The following UNC13C variants were observed in gnomAD, a reference collection of about 807,000 sequenced individuals.
UNC13C encodes protein unc-13 homolog C.
Under a neutral mutation model 245.4 loss-of-function variants are expected in UNC13C, and 174 were observed. That is an observed-to-expected ratio of 0.71 (90% CI 0.63 to 0.80). The LOEUF is 0.80. Ranked by LOEUF, UNC13C falls within the 30% of genes least tolerant of loss-of-function variation. The pLI is 0.00. For synonymous variants in UNC13C, 992 were observed against 895.1 expected, an observed-to-expected ratio of 1.11 and a Z score of -1.93; for missense variants, 2,829 against 2,602.9, an observed-to-expected ratio of 1.09 and a Z score of -1.89.
chr15:54,163,636 C>T (rs1296142824), intron 4 of UNC13C, among the ~76,000 whole-genome samples: 1 of 152,116 alleles, frequency 6.6e-6, no homozygotes, highest in African/African-American at 2.4e-5. Context: ...GCCATTACTT[C>T]CTGAGAATTG....
chr15:54,522,490 A>AAAC (rs372205345), intron 24 of UNC13C, among the ~76,000 whole-genome samples: 9,871 of 151,772 alleles, frequency 0.065, 1,080 homozygotes, highest in African/African-American at 0.23. Context: ...AAACAAAACA[A>AAAC]AACAACAACA....
At chr15:54,592,450 G>A (rs990585111) in intron 30 of UNC13C, among the ~76,000 whole-genome samples, 1 of 152,130 alleles carries the variant, frequency 6.6e-6, no homozygotes, top group Non-Finnish European at 1.5e-5. Flanking sequence ...AGGTCAATTA[G>A]TAATTGACTT....
At chr15:53,939,812 CGAGAGAGAGAGA>C in the UNC13C span, among the ~76,000 whole-genome samples, 9 of 150,364 alleles carry the variant, frequency 6.0e-5, 2 homozygotes, top group Admixed American at 6.0e-4. Context: ...AGAGAAAGGA[CGAGAGAGAGAGA>C]GAGAGAGAGA....
chr15:54,469,132 T>C (rs1299444091), intron 19 of UNC13C, among the ~76,000 whole-genome samples: 1 of 151,594 alleles, frequency 6.6e-6, no homozygotes, highest in Non-Finnish European at 1.5e-5. Context: ...GAGATTTCAG[T>C]ATACAGATCT....
chr15:54,361,415 A>G (rs148985862), intron 17 of UNC13C, among the ~76,000 whole-genome samples: 18 of 152,058 alleles, frequency 1.2e-4, no homozygotes, highest in Non-Finnish European at 1.9e-4. Flanking sequence ...TCAGTTTTCT[A>G]TCTATATTTT....
intron 17 of UNC13C, among the ~76,000 whole-genome samples, chr15:54,390,605 TTA>T (rs2039934116): frequency 6.6e-6 from 1 of 152,086 alleles, no homozygotes; most frequent in Non-Finnish European, 1.5e-5. Flanking sequence ...TGATTTATAA[TTA>T]CCATATTTTC....
intron 28 of UNC13C, among the ~76,000 whole-genome samples, chr15:54,555,219 A>C (rs1897038827): frequency 6.6e-6 from 1 of 152,046 alleles, no homozygotes; most frequent in South Asian, 2.1e-4. Context: ...CTATCAAAGC[A>C]CTTCTTTTTA....
intron 2 of UNC13C, among the ~76,000 whole-genome samples, chr15:54,090,198 A>G (rs1346870805): frequency 6.6e-6 from 1 of 152,200 alleles, no homozygotes; most frequent in Non-Finnish European, 1.5e-5. Context: ...TGTATTCTGT[A>G]TAGACCTCCT....
chr15:54,091,232 C>G (rs1048246258), intron 2 of UNC13C, among the ~76,000 whole-genome samples: 1 of 152,172 alleles, frequency 6.6e-6, no homozygotes, highest in African/African-American at 2.4e-5. Context: ...AAAACCTCCT[C>G]TTTCGTTAAA....
intron 19 of UNC13C, among the ~76,000 whole-genome samples, chr15:54,494,131 C>A (rs939798427): frequency 3.3e-5 from 5 of 152,038 alleles, no homozygotes; most frequent in African/African-American, 1.2e-4. Context: ...GATTATAGCT[C>A]CTGACTCATG....
chr15:54,454,297 C>T (rs574400360), intron 19 of UNC13C, among the ~76,000 whole-genome samples: 19 of 152,206 alleles, frequency 1.2e-4, no homozygotes, highest in South Asian at 4.1e-4. Flanking sequence ...AACTCCCTGG[C>T]GGGGTGCAGT....
At chr15:53,916,147 G>T in the UNC13C span, among the ~76,000 whole-genome samples, 1 of 152,152 alleles carries the variant, frequency 6.6e-6, no homozygotes, top group Non-Finnish European at 1.5e-5. Context: ...TTCGAAGAAT[G>T]GTAATAGAAG....
chr15:54,069,938 G>A (rs1451364214), intron 2 of UNC13C, among the ~76,000 whole-genome samples: 1 of 152,176 alleles, frequency 6.6e-6, no homozygotes, highest in Non-Finnish European at 1.5e-5. Context: ...CATTCCACAT[G>A]CTTTATACAT....
chr15:54,472,116 G>C (rs183332980), intron 19 of UNC13C, among the ~76,000 whole-genome samples: 129 of 151,508 alleles, frequency 8.5e-4, no homozygotes, highest in African/African-American at 3.0e-3. Context: ...TTTATCTTTT[G>C]TACATCTATT....
chr15:54,080,107 T>C (rs1898863154), intron 2 of UNC13C, among the ~76,000 whole-genome samples: 1 of 151,894 alleles, frequency 6.6e-6, no homozygotes, highest in Admixed American at 6.6e-5. Context: ...GTTCTGTTTA[T>C]GTAGTGAATT....
At chr15:53,853,305 C>T in the UNC13C span, among the ~76,000 whole-genome samples, 1 of 151,952 alleles carries the variant, frequency 6.6e-6, no homozygotes, top group African/African-American at 2.4e-5. Flanking sequence ...TTAGTTTGCA[C>T]CACCCATGCA....
chr15:54,197,928 C>T (rs563734742), intron 4 of UNC13C, among the ~76,000 whole-genome samples: 8 of 152,172 alleles, frequency 5.3e-5, no homozygotes, highest in African/African-American at 1.9e-4. Flanking sequence ...TGAGGCAAGT[C>T]CTCAGCCCTG....
At chr15:54,078,883 C>T (rs1898781140) in intron 2 of UNC13C, among the ~76,000 whole-genome samples, 1 of 151,932 alleles carries the variant, frequency 6.6e-6, no homozygotes, top group Non-Finnish European at 1.5e-5. Flanking sequence ...AAATTTTTTG[C>T]CTAGGCCAAT....
chr15:54,419,250 G>T (rs1334696584), intron 19 of UNC13C, among the ~76,000 whole-genome samples: 3 of 152,078 alleles, frequency 2.0e-5, no homozygotes, highest in African/African-American at 4.8e-5. Context: ...ATCAGAGTAG[G>T]TATGTAATTA....
Sources: allele counts gnomAD v4.1 joint callset (sites outside exome capture counted in the v4.1 genomes callset), GRCh38; gene constraint gnomAD v4.1.1; transcripts MANE v1.5; gene names NCBI Gene and HGNC (gene_info 2026-07-23, HGNC 2026-07-21).